The following RBBP5 variants were observed in gnomAD, a reference collection of about 807,000 sequenced individuals.
The protein encoded by RBBP5 is RB binding protein 5, histone lysine methyltransferase complex subunit.
Under a neutral mutation model 72.2 loss-of-function variants are expected in RBBP5, and 5 were observed. The observed-to-expected ratio is 0.07, with a 90% CI of 0.04 to 0.15. The LOEUF (loss-of-function observed/expected upper bound fraction) is 0.15. RBBP5 is among the 10% of genes least tolerant of loss of function. The pLI is 1.00. For missense variants in RBBP5, 322 were observed against 652.2 expected (o/e 0.49, Z 5.51); for synonymous variants, 209 against 237.2 (o/e 0.88, Z 1.09).
At chr1:205,100,804 T>C (rs545154122) in intron 6 of RBBP5, among the ~76,000 whole-genome samples, 3 of 152,296 alleles carry the variant, frequency 2.0e-5, no homozygotes, top group African/African-American at 7.2e-5. Context: ...CCCAACATTT[T>C]TGGCACCAGG....
chr1:205,119,483 T>C (rs1656655082), intron 1 of RBBP5, among the ~76,000 whole-genome samples: 1 of 152,234 alleles, frequency 6.6e-6, no homozygotes, highest in African/African-American at 2.4e-5. Context: ...TGCAAGATCC[T>C]GCTACTCTTT....
At chr1:205,110,079 A>G (rs1194554424) in intron 3 of RBBP5, among the ~76,000 whole-genome samples, 1 of 151,316 alleles carries the variant, frequency 6.6e-6, no homozygotes, top group Non-Finnish European at 1.5e-5. Flanking sequence ...TCTGTCGCCC[A>G]GGCAGATCCC....
intron 10 of RBBP5, 120 bp downstream of exon 10, chr1:205,098,869 G>T (rs1452891286): frequency 2.1e-5 from 12 of 574,690 alleles, no homozygotes; most frequent in South Asian, 3.5e-5. Flanking sequence ...AAAAAAGTGT[G>T]GGGTGGAGGG....
At chr1:205,101,730 GA>G (rs752704211) in intron 5 of RBBP5, 21 bp from the exon 6 acceptor site, 27 of 1,533,192 alleles carry the variant, frequency 1.8e-5, no homozygotes, top group African/African-American at 2.8e-5. Context: ...AAGGAGGGGG[GA>G]AAAAAGTAAG....
intron 3 of RBBP5, among the ~76,000 whole-genome samples, chr1:205,112,444 T>C (rs377335786): frequency 1.3e-5 from 2 of 152,200 alleles, no homozygotes; most frequent in African/African-American, 4.8e-5. Context: ...ATCTTAAATA[T>C]AGTTCTTGTA....
intron 2 of RBBP5, 34 bp downstream of exon 2, chr1:205,115,824 T>C (rs1216621587): frequency 3.8e-6 from 6 of 1,559,442 alleles, no homozygotes; most frequent in African/African-American, 1.4e-5. Context: ...GAAGTTACTA[T>C]GTTCCTAAAA....
intron 13 of RBBP5, among the ~76,000 whole-genome samples, chr1:205,089,559 T>C (rs1441080764): frequency 2.6e-5 from 4 of 152,300 alleles, no homozygotes; most frequent in East Asian, 3.9e-4. Flanking sequence ...GAAGGTATAA[T>C]GGTTAAAAAA....
intron 1 of RBBP5, among the ~76,000 whole-genome samples, chr1:205,121,181 G>A (rs1316932706): frequency 2.0e-5 from 3 of 152,180 alleles, no homozygotes; most frequent in African/African-American, 7.2e-5. Flanking sequence ...CCAGGAGAAA[G>A]GACCTACAGT....
At chr1:205,113,974 C>T (rs777852785) in intron 3 of RBBP5, among the ~76,000 whole-genome samples, 1 of 152,154 alleles carries the variant, frequency 6.6e-6, no homozygotes, top group Non-Finnish European at 1.5e-5. Context: ...CGTGAACCAC[C>T]GCGCCTGGCC....
intron 5 of RBBP5, among the ~76,000 whole-genome samples, chr1:205,102,139 G>A (rs1253370092): frequency 1.3e-5 from 2 of 151,842 alleles, no homozygotes; most frequent in Non-Finnish European, 1.5e-5. Flanking sequence ...CAGGTGATCC[G>A]CCCACCTCGG....
chr1:205,115,624 T>C (rs888630263), intron 2 of RBBP5, among the ~76,000 whole-genome samples: 5 of 152,234 alleles, frequency 3.3e-5, no homozygotes, highest in African/African-American at 1.2e-4. Flanking sequence ...GTTTTTCTTT[T>C]ATTTAAAGGA....
intron 3 of RBBP5, among the ~76,000 whole-genome samples, chr1:205,113,946 A>G (rs762435560): frequency 6.6e-6 from 1 of 152,144 alleles, no homozygotes; most frequent in Non-Finnish European, 1.5e-5. Flanking sequence ...CAGCCTCCCA[A>G]AGTGCTGGGA....
In RBBP5 at chr1:205,114,965, A is replaced by G. The variant is rs1469503363; in HGVS notation, c.46-4T>C. The G allele has an allele frequency of 6.3e-7, 1 of 1,583,470 alleles. No homozygotes were observed. Among genetic ancestry groups the G allele is most frequent in the Admixed American group, 1.8e-5 (1 of 57,010 alleles). On this transcript the variant is annotated splice_polypyrimidine_tract_variant and splice_region_variant and intron_variant, in intron 2 of 13. Transcript: ENST00000264515. Reference sequence around the variant, plus strand: ...AATCCAAAGTTCCATCAGCTTCCTAAAAATTGAAACAAATACAAGAATAGA... The same window carrying G: ...AATCCAAAGTTCCATCAGCTTCCTAGAAATTGAAACAAATACAAGAATAGA...
intron 13 of RBBP5, chr1:205,091,278 T>C (rs1655339531): frequency 6.6e-6 from 1 of 152,272 alleles, no homozygotes; most frequent in African/African-American, 2.4e-5. Context: ...GGACTGGTGA[T>C]TCTGCTCACA....
intron 13 of RBBP5, among the ~76,000 whole-genome samples, chr1:205,093,482 ATATATATATATATATATATATATAT>A (rs1558570269): frequency 0.069 from 398 of 5,770 alleles, 72 homozygotes; most frequent in South Asian, 0.21. Flanking sequence ...AAAAAAAAAT[ATATATATATATATATATATATATAT>A]ATATATATAT....
Position 205,121,931 on chromosome 1 carries a change from G to C in RBBP5, c.-58C>G, listed in dbSNP as rs375728850. The C allele has an allele frequency of 8.7e-6, 14 of 1,604,180 alleles. No homozygotes were observed. Among genetic ancestry groups the C allele is most frequent in the Non-Finnish European group, 1.2e-5 (14 of 1,179,520 alleles). On this transcript the variant is annotated 5_prime_UTR_variant, in exon 1 of 14. Transcript: ENST00000264515. Reference sequence around the variant, plus strand: ...CGGCAACAACACCTTCTCCCCGGCCGGCTTCAGCAACTTGCGTCTAAGTGG... The same window carrying C: ...CGGCAACAACACCTTCTCCCCGGCCCGCTTCAGCAACTTGCGTCTAAGTGG...
chr1:205,109,419 A>C (rs1176735953), intron 3 of RBBP5, among the ~76,000 whole-genome samples: 3 of 152,188 alleles, frequency 2.0e-5, no homozygotes, highest in African/African-American at 7.2e-5. Context: ...ATAGAAGTCT[A>C]CTGGGAATGG....
chr1:205,100,201 T>C lies in RBBP5; in HGVS notation c.703A>G (p.Arg235Gly). Reference sequence around the variant, plus strand: ...TGCATAGGTTCAGGCTCTCCATCTCTTCCACATGTTAAGATTTCTCTGCCA... The same window carrying C: ...TGCATAGGTTCAGGCTCTCCATCTCCTCCACATGTTAAGATTTCTCTGCCA... ...YDGREILTCG[R>G]DGEPEPMQKL... The change falls in exon 7 of 14, where the codon AGA (arginine) becomes GGA (glycine). Residue 235 changes from arginine (R) to glycine (G), a missense_variant. Arg to Gly is a moderately radical substitution (Grantham distance 125). Coordinates refer to ENST00000264515, the MANE Select transcript of RBBP5 (RefSeq NM_005057.4). 1 of 1,614,188 alleles carries C rather than the reference T, an allele frequency of 6.2e-7. No individual in the cohort carries two copies. Among genetic ancestry groups the C allele is most frequent in the Non-Finnish European group, 8.5e-7 (1 of 1,180,022 alleles).
intron 1 of RBBP5, among the ~76,000 whole-genome samples, chr1:205,117,384 C>T (rs1024435833): frequency 5.3e-5 from 8 of 151,812 alleles, no homozygotes; most frequent in Non-Finnish European, 1.2e-4. Context: ...GTAAAGAGCC[C>T]GTGTGGTGGC....
Sources: allele counts gnomAD v4.1 joint callset (sites outside exome capture counted in the v4.1 genomes callset), GRCh38; gene constraint gnomAD v4.1.1; transcripts MANE v1.5; gene names NCBI Gene and HGNC (gene_info 2026-07-23, HGNC 2026-07-21).